The following CHORDC1 variants were observed in gnomAD, a reference collection of about 807,000 sequenced individuals.
The protein encoded by CHORDC1 is cysteine and histidine-rich domain-containing protein 1.
Under a neutral mutation model 48.3 loss-of-function variants are expected in CHORDC1, and 25 were observed. That is an observed-to-expected ratio of 0.52 (90% CI 0.38 to 0.72). CHORDC1 has a LOEUF of 0.72. Ranked by LOEUF, CHORDC1 falls within the 30% of genes least tolerant of loss-of-function variation. The pLI, the probability that CHORDC1 is intolerant of heterozygous loss-of-function variation, is 0.00. For synonymous variants in CHORDC1, 128 were observed against 126.4 expected (o/e 1.01, Z -0.09); for missense variants, 317 against 388.7 (o/e 0.82, Z 1.55).
chr11:90,214,236 A>G, intron 3 of CHORDC1, 61 bp from the exon 4 acceptor site: 4 of 1,235,520 alleles, frequency 3.2e-6, no homozygotes, highest in Non-Finnish European at 4.4e-6. Context: ...TAGAAATATT[A>G]TCTTTTCAGT....
chr11:90,215,246 G>C lies in CHORDC1; in HGVS notation c.115-16C>G. The C allele has an allele frequency of 6.6e-7, 1 of 1,525,108 alleles. No homozygotes were observed. Among genetic ancestry groups the C allele is most frequent in the Admixed American group, 2.0e-5 (1 of 49,656 alleles). The allele number at this position is 1,525,108 out of a possible 1,614,324, so 94.5% of individuals were successfully genotyped here. The stretch of plus-strand genomic sequence containing the variant: ...AAGACCAACCCTATGAAAAACAAGA[G>C]AAGGAAACTAAAAACTCTATTTGCA... On this transcript the variant is annotated splice_polypyrimidine_tract_variant and intron_variant, in intron 2 of 10. Transcript: ENST00000320585.
At chr11:90,207,885 A>G (rs1327548941) in intron 6 of CHORDC1, 1 of 151,994 alleles carries the variant, frequency 6.6e-6, no homozygotes, top group East Asian at 1.9e-4. Flanking sequence ...TTGGAAAACT[A>G]TGTGGAAGTA....
intron 6 of CHORDC1, chr11:90,207,761 C>CAAAAAAAAAAAAAAAAAAAA (rs71055890): frequency 3.8e-5 from 2 of 52,760 alleles, no homozygotes; most frequent in Non-Finnish European, 7.3e-5. Flanking sequence ...GGTTAAAATA[C>CAAAAAAAAAAAAAAAAAAAA]AAAAAAAAAA....
At chr11:90,222,771 G>A in intron 1 of CHORDC1, 120 bp downstream of exon 1, 1 of 900,776 alleles carries the variant, frequency 1.1e-6, no homozygotes, top group Non-Finnish European at 1.8e-6. Flanking sequence ...CCCAGGAGGG[G>A]CATGGACCTG....
intron 6 of CHORDC1, chr11:90,207,761 CAAAAAAAA>C (rs71055890): frequency 1.9e-4 from 10 of 52,770 alleles, no homozygotes; most frequent in African/African-American, 6.3e-4. Context: ...GGTTAAAATA[CAAAAAAAA>C]AAAAAAAAAC....
intron 4 of CHORDC1, chr11:90,213,312 A>C (rs1857918899): frequency 1.6e-6 from 1 of 638,638 alleles, no homozygotes; most frequent in Non-Finnish European, 2.8e-6. Flanking sequence ...AATAAAAATT[A>C]CAATAAGTGC....
chr11:90,213,211 C>A, intron 4 of CHORDC1: 1 of 473,262 alleles, frequency 2.1e-6, no homozygotes, highest in East Asian at 3.1e-5. Flanking sequence ...TCTTAGGGTT[C>A]TTATCTTGGT....
chr11:90,202,835 T>C lies in CHORDC1; in HGVS notation c.830A>G (p.Asp277Gly), dbSNP rs1324401481. ...TACACCCCATAATTTCACATTTTGA[T>C]CAAATTCCTTCTCTCCTTCAAATAC... ...HIVFEGEKEF[D>G]QNVKLWGVID... Residue 277 changes from aspartate (D) to glycine (G), a missense_variant, in exon 10 of 11, where the codon GAT (aspartate) becomes GGT (glycine). By Grantham distance (94) the Asp-to-Gly change is moderately conservative (BLOSUM62 -1). Coordinates refer to ENST00000320585, the MANE Select transcript of CHORDC1 (RefSeq NM_012124.3). 2 of 1,601,500 alleles carry C rather than the reference T, an allele frequency of 1.2e-6. No homozygotes were observed. Among genetic ancestry groups the C allele is most frequent in the Non-Finnish European group, 1.7e-6 (2 of 1,174,806 alleles).
intron 8 of CHORDC1, among the ~76,000 whole-genome samples, chr11:90,204,333 ACT>A (rs770805522): frequency 1.6e-4 from 24 of 152,116 alleles, no homozygotes; most frequent in Non-Finnish European, 2.9e-4. Flanking sequence ...TAAAAAATAC[ACT>A]CTTTTTATTT....
Position 90,202,528 on chromosome 11 carries a change from A to C in CHORDC1, c.876T>G (p.Tyr292Ter). 1 of 1,613,490 alleles carries C rather than the reference A, an allele frequency of 6.2e-7. No homozygotes were observed. Among genetic ancestry groups the C allele is most frequent in the Non-Finnish European group, 8.5e-7 (1 of 1,179,636 alleles). Residue 292 changes from tyrosine (Y) to a stop codon, truncating the protein, a stop_gained, in exon 11 of 11, where the codon TAT becomes TAG. Coordinates refer to ENST00000320585, the MANE Select transcript of CHORDC1 (RefSeq NM_012124.3). LOFTEE classifies it high-confidence loss of function. ...CAATCTTTGTTGCAGTCATAGTTACATAACTTCGCTTTACATCAATCACCT... is the reference window on the plus strand; with the variant it reads ...CAATCTTTGTTGCAGTCATAGTTACCTAACTTCGCTTTACATCAATCACCT... ...LWGVIDVKRS[Y>*]VTMTATKIEI...
At chr11:90,211,534 AAAT>A (rs1212207293) in intron 4 of CHORDC1, 19 of 402,426 alleles carry the variant, frequency 4.7e-5, no homozygotes, top group Non-Finnish European at 6.7e-5. Context: ...AGTAAGTCTC[AAAT>A]AATCACGCTA....
At chr11:90,219,166 T>C (rs1332695562) in intron 1 of CHORDC1, among the ~76,000 whole-genome samples, 2 of 152,024 alleles carry the variant, frequency 1.3e-5, no homozygotes, top group East Asian at 3.9e-4. Flanking sequence ...CTCAGGATCT[T>C]GACAGGAGAA....
chr11:90,213,922 G>C lies in CHORDC1; in HGVS notation c.329+96C>G, dbSNP rs1267310593. The stretch of plus-strand genomic sequence containing the variant: ...TCAAAGCTTGGTGGCCTACATAGTA[G>C]CTACAAATGGTATCATGCTAAATCA... On this transcript the variant is annotated intron_variant, in intron 4 of 10. Coordinates refer to ENST00000320585, the MANE Select transcript of CHORDC1 (RefSeq NM_012124.3). 4 of 1,080,038 alleles carry C rather than the reference G, an allele frequency of 3.7e-6. No homozygotes were observed. In the African/African-American group the frequency reaches 6.4e-5, roughly 17 times the overall value. 66.9% of individuals were successfully genotyped at this position (1,080,038 alleles called of 1,614,324 possible).
At chr11:90,210,714 A>G (rs1857837314) in intron 5 of CHORDC1, 120 bp from the exon 6 acceptor site, 4 of 648,610 alleles carry the variant, frequency 6.2e-6, no homozygotes, top group Non-Finnish European at 1.1e-5. Context: ...TGTGACTAGG[A>G]TTTGCTTATA....
At chr11:90,221,156 C>G (rs1320054973) in intron 1 of CHORDC1, among the ~76,000 whole-genome samples, 1 of 151,928 alleles carries the variant, frequency 6.6e-6, no homozygotes, top group East Asian at 1.9e-4. Context: ...ATCTGGCTTA[C>G]GCAAAATGGA....
intron 2 of CHORDC1, among the ~76,000 whole-genome samples, chr11:90,215,841 A>G (rs1345206601): frequency 6.6e-6 from 1 of 152,044 alleles, no homozygotes; most frequent in Non-Finnish European, 1.5e-5. Flanking sequence ...TCTAAATTCC[A>G]ATGTTTATAG....
chr11:90,213,447 C>T (rs1857923194), intron 4 of CHORDC1: 2 of 693,966 alleles, frequency 2.9e-6, no homozygotes, highest in Non-Finnish European at 5.3e-6. Context: ...ACTCAATATA[C>T]ATGTGTGGGA....
intron 6 of CHORDC1, chr11:90,209,153 T>TAC (rs1396747442): frequency 6.6e-6 from 1 of 152,216 alleles, no homozygotes; most frequent in African/African-American, 2.4e-5. Flanking sequence ...CTACTACTTC[T>TAC]ACCTCATATA....
chr11:90,216,946 A>G (rs1858027376), intron 2 of CHORDC1, among the ~76,000 whole-genome samples: 1 of 152,222 alleles, frequency 6.6e-6, no homozygotes, highest in Admixed American at 6.5e-5. Flanking sequence ...AAAAAGAAAA[A>G]GACACAGTAA....
Sources: gnomAD v4.1 joint callset for allele counts (sites outside exome capture counted in the v4.1 genomes callset) on GRCh38, gnomAD v4.1.1 for gene constraint, MANE v1.5 for transcripts, NCBI Gene and HGNC (gene_info 2026-07-23, HGNC 2026-07-21) for gene names.